Variants in OR2D2 observed in about 807,000 individuals in gnomAD.
The protein encoded by OR2D2 is olfactory receptor family 2 subfamily D member 2.
OR2D2 carries 20 observed loss-of-function variants against 16.0 expected under a neutral mutation model. That is an observed-to-expected ratio of 1.25 (90% CI 0.88 to 1.82). OR2D2 has a LOEUF of 1.82. OR2D2 is among the 40% of genes most tolerant of loss of function. The pLI is 0.00. For missense variants in OR2D2, 409 were observed against 369.3 expected, an observed-to-expected ratio of 1.11 and a Z score of -0.88; for synonymous variants, 164 against 143.9, an observed-to-expected ratio of 1.14 and a Z score of -1.00.
Position 6,892,384 on chromosome 11 carries a change from C to A in OR2D2, c.117G>T (p.Val39=). The A allele has an allele frequency of 6.2e-7, 1 of 1,613,698 alleles. No homozygotes were observed. The highest frequency in any genetic ancestry group is 1.1e-5 in the South Asian group (1 of 91,080). The change falls in exon 1 of 1, where the codon GTG becomes GTT. Residue 39 remains valine, a synonymous_variant. Transcript: ENST00000299459. ...GGGAGATTAGAAGCAGATTTCCAAG[C>A]ACAGTGACCAGGTAGACACCCAATA... The part of the protein sequence containing the change: ...IVLLGVYLVT[V]LGNLLLISLV...
rs771451717 is a variant in OR2D2, at chr11:6,892,301, G to C, written c.200C>G (p.Ser67Cys). The change falls in exon 1 of 1, where the codon TCT becomes TGT. Residue 67 changes from serine (S) to cysteine (C), a missense_variant. Physicochemically the swap from Ser to Cys is moderately radical, Grantham distance 112. Transcript: ENST00000299459. ...TPMYFFLCNL[S>C]LADLCFSTNI... ...GGTAGAGAAACAGAGGTCAGCCAGA[G>C]ACAAGTTGCAGAGAAAAAAATACAT... The C allele has an allele frequency of 9.9e-6, 16 of 1,613,858 alleles. No homozygotes were observed. The highest frequency in any genetic ancestry group is 1.3e-5 in the Non-Finnish European group (15 of 1,179,866).
chr11:6,892,393 C>T lies in OR2D2; in HGVS notation c.108G>A (p.Leu36=). 3.1e-6 allele frequency: 5 copies of T among 1,613,612 alleles called. No individual in the cohort carries two copies. The highest frequency in any genetic ancestry group is 4.2e-6 in the Non-Finnish European group (5 of 1,179,760). ...GAAGCAGATTTCCAAGCACAGTGAC[C>T]AGGTAGACACCCAATAATACGATAA... ...LLFIVLLGVY[L]VTVLGNLLLI... The change falls in exon 1 of 1, where the codon CTG becomes CTA. Residue 36 remains leucine (L), a synonymous_variant. Coordinates refer to ENST00000299459, the MANE Select transcript of OR2D2 (RefSeq NM_003700.1).
At position 6,892,361 on chromosome 11, in the gene OR2D2, G is replaced by A. The variant is rs756410938; in HGVS notation, c.140C>T (p.Ser47Phe). Residue 47 changes from serine (S) to phenylalanine (F), a missense_variant, in exon 1 of 1, where the codon TCC becomes TTC. Physicochemically the swap from Ser to Phe is radical, Grantham distance 155. Coordinates refer to ENST00000299459, the MANE Select transcript of OR2D2 (RefSeq NM_003700.1). ...AAGTTGGGAGTCAACATGAACAAGG[G>A]AGATTAGAAGCAGATTTCCAAGCAC... ...VTVLGNLLLI[S>F]LVHVDSQLHT... 2.5e-6 allele frequency: 4 copies of A among 1,613,732 alleles called. No individual in the cohort carries two copies. Among genetic ancestry groups the A allele is most frequent in the East Asian group, 4.5e-5 (2 of 44,864 alleles).
At position 6,891,831 on chromosome 11, in the gene OR2D2, T is replaced by C; in HGVS notation, c.670A>G (p.Thr224Ala). 1 of 1,613,770 alleles carries C rather than the reference T, an allele frequency of 6.2e-7. No homozygotes were observed. Among genetic ancestry groups the C allele is most frequent in the South Asian group, 1.1e-5 (1 of 91,072 alleles). The change falls in exon 1 of 1, where the codon ACT (threonine) becomes GCT (alanine). Residue 224 changes from threonine to alanine, a missense_variant. Thr to Ala is a moderately conservative substitution (Grantham distance 58). Transcript: ENST00000299459. ...ACAGTTGACTTCATCTTGACCACAG[T>C]TACTATGATACGGCCATAGGATACC... The part of the protein sequence containing the change: ...ILVSYGRIIV[T>A]VVKMKSTVGS...
chr11:6,891,783 T>C lies in OR2D2; in HGVS notation c.718A>G (p.Thr240Ala), dbSNP rs748376005. 1.7e-5 allele frequency: 28 copies of C among 1,613,526 alleles called. No homozygotes were observed. The highest frequency in any genetic ancestry group is 2.3e-5 in the Non-Finnish European group (27 of 1,179,772). Residue 240 changes from threonine (T) to alanine (A), a missense_variant, in exon 1 of 1, where the codon ACC (threonine) becomes GCC (alanine). Transcript: ENST00000299459. ...STVGSLKAFS[T>A]CGSHLMVVIL... The stretch of plus-strand genomic sequence containing the variant: ...ACCACCATGAGGTGGGAGCCACAGG[T>C]AGAAAATGCCTTGAGACTCCCCACA...
rs201036032 is a variant in OR2D2, at chr11:6,891,804, C to A, written c.697G>T (p.Gly233Trp). 1 of 1,613,764 alleles carries A rather than the reference C, an allele frequency of 6.2e-7. No individual in the cohort carries two copies. The highest frequency in any genetic ancestry group is 1.1e-5 in the South Asian group (1 of 91,070). The change falls in exon 1 of 1, where the codon GGG becomes TGG. Residue 233 changes from glycine to tryptophan, a missense_variant. Coordinates refer to ENST00000299459, the MANE Select transcript of OR2D2 (RefSeq NM_003700.1). ...VTVVKMKSTV[G>W]SLKAFSTCGS... Reference sequence around the variant, plus strand: ...CAGGTAGAAAATGCCTTGAGACTCCCCACAGTTGACTTCATCTTGACCACA... The same window carrying A: ...CAGGTAGAAAATGCCTTGAGACTCCACACAGTTGACTTCATCTTGACCACA...
chr11:6,892,155 C>A lies in OR2D2; in HGVS notation c.346G>T (p.Ala116Ser), dbSNP rs376326663. 1.2e-6 allele frequency: 2 copies of A among 1,613,780 alleles called. No homozygotes were observed. The highest frequency in any genetic ancestry group is 1.1e-5 in the South Asian group (1 of 91,088). ...ACATAGCGATCATAGGACATCACTGCAAGAAGGGCGCACTGGGTACACCCA... is the reference window on the plus strand; with the variant it reads ...ACATAGCGATCATAGGACATCACTGAAAGAAGGGCGCACTGGGTACACCCA... ...IFGCTQCALL[A>S]VMSYDRYVAI... is the part of the protein sequence containing the mutation. Residue 116 changes from alanine to serine, a missense_variant, in exon 1 of 1, where the codon GCA (alanine) becomes TCA (serine). Physicochemically the swap from Ala to Ser is moderately conservative, Grantham distance 99. Transcript: ENST00000299459.
rs765134635 is a variant in OR2D2 at position 6,892,325 on chromosome 11, A to T, written c.176T>A (p.Met59Lys). The T allele has an allele frequency of 6.2e-7, 1 of 1,613,772 alleles. No homozygotes were observed. Among genetic ancestry groups the T allele is most frequent in the South Asian group, 1.1e-5 (1 of 91,058 alleles). Residue 59 changes from methionine (M) to lysine (K), a missense_variant, in exon 1 of 1, where the codon ATG (methionine) becomes AAG (lysine). Physicochemically the swap from Met to Lys is moderately conservative, Grantham distance 95 (BLOSUM62 -1). Coordinates refer to ENST00000299459, the MANE Select transcript of OR2D2 (RefSeq NM_003700.1). ...AGACAAGTTGCAGAGAAAAAAATAC[A>T]TGGGTGTGTGAAGTTGGGAGTCAAC... is the stretch of plus-strand genomic sequence containing the variant. ...VHVDSQLHTP[M>K]YFFLCNLSLA... is the part of the protein sequence containing the mutation.
At position 6,891,820 on chromosome 11, in the gene OR2D2, CT is replaced by C. The variant is rs1280515132; in HGVS notation, c.680del (p.Lys227ArgfsTer2). ...TGAGACTCCCCACAGTTGACTTCAT[CT>C]TGACCACAGTTACTATGATACGGCC... Reference protein sequence around the residue: ...SYGRIIVTVVKMKSTVGSLKA... With the variant: ...SYGRIIVTVVXMKSTVGSLKA... On this transcript the variant is annotated frameshift_variant, in exon 1 of 1. Transcript: ENST00000299459. LOFTEE classifies it high-confidence loss of function. 1.9e-6 allele frequency: 3 copies of C among 1,613,674 alleles called. No homozygotes were observed. The highest frequency in any genetic ancestry group is 2.7e-5 in the African/African-American group (2 of 74,860).
In OR2D2 at chr11:6,892,226, AT is replaced by A. The variant is rs781035617; in HGVS notation, c.274del (p.Ile92LeufsTer26). The A allele has an allele frequency of 5.0e-6, 8 of 1,613,952 alleles. No individual in the cohort carries two copies. The highest frequency in any genetic ancestry group is 5.9e-6 in the Non-Finnish European group (7 of 1,179,888). On this transcript the variant is annotated frameshift_variant, in exon 1 of 1. Coordinates refer to ENST00000299459, the MANE Select transcript of OR2D2 (RefSeq NM_003700.1). LOFTEE classifies it high-confidence loss of function. ...TCGAGCTGCGCAAAGTGTGAATGCA[AT>A]GACCTTCTTTCTGGAAAGCAGGTGG... ...LVHLLSRKKV[I>X]AFTLCAARLL...
chr11:6,891,613 C>A lies in OR2D2; in HGVS notation c.888G>T (p.Lys296Asn). ...TTGTGGCTACTTTCCTCAGAGCTGC[C>A]TTCACATCCTTGTTTCTCAGGCTAT... ...LIYSLRNKDV[K>N]AALRKVATRN... Residue 296 changes from lysine to asparagine, a missense_variant, in exon 1 of 1, where the codon AAG becomes AAT. Coordinates refer to ENST00000299459, the MANE Select transcript of OR2D2 (RefSeq NM_003700.1). 6.2e-7 allele frequency: 1 copy of A among 1,613,530 alleles called. No individual in the cohort carries two copies. The highest frequency in any genetic ancestry group is 8.5e-7 in the Non-Finnish European group (1 of 1,179,690).
At position 6,891,625 on chromosome 11, in the gene OR2D2, G is replaced by A; in HGVS notation, c.876C>T (p.Asn292=). The A allele has an allele frequency of 1.2e-6, 2 of 1,613,552 alleles. No homozygotes were observed. Among genetic ancestry groups the A allele is most frequent in the Non-Finnish European group, 1.7e-6 (2 of 1,179,716 alleles). ...TCCTCAGAGCTGCCTTCACATCCTTGTTTCTCAGGCTATAGATGAGGGGAT... is the reference window on the plus strand; with the variant it reads ...TCCTCAGAGCTGCCTTCACATCCTTATTTCTCAGGCTATAGATGAGGGGAT... ...MLNPLIYSLR[N]KDVKAALRKV... is the part of the protein sequence containing the mutation. Residue 292 remains asparagine, a synonymous_variant, in exon 1 of 1, where the codon AAC becomes AAT. Transcript: ENST00000299459.
At position 6,891,611 on chromosome 11, in the gene OR2D2, G is replaced by A. The variant is rs763006889; in HGVS notation, c.890C>T (p.Ala297Val). 1.4e-5 allele frequency: 23 copies of A among 1,613,362 alleles called. No homozygotes were observed. The highest frequency in any genetic ancestry group is 2.2e-5 in the East Asian group (1 of 44,872). Residue 297 changes from alanine (A) to valine (V), a missense_variant, in exon 1 of 1, where the codon GCA becomes GTA. Coordinates refer to ENST00000299459, the MANE Select transcript of OR2D2 (RefSeq NM_003700.1). ...IYSLRNKDVK[A>V]ALRKVATRNF... ...CCTTGTGGCTACTTTCCTCAGAGCTGCCTTCACATCCTTGTTTCTCAGGCT... is the reference window on the plus strand; with the variant it reads ...CCTTGTGGCTACTTTCCTCAGAGCTACCTTCACATCCTTGTTTCTCAGGCT...
rs780233319 is a variant in OR2D2, at chr11:6,892,266, G to C, written c.235C>G (p.Pro79Ala). ...ADLCFSTNIV[P>A]QALVHLLSRK... ...GAAAGCAGGTGGACTAGTGCCTGAG[G>C]AACTATGTTGGTAGAGAAACAGAGG... is the stretch of plus-strand genomic sequence containing the variant. Residue 79 changes from proline (P) to alanine (A), a missense_variant, in exon 1 of 1, where the codon CCT (proline) becomes GCT (alanine). By Grantham distance (27) the Pro-to-Ala change is conservative. Coordinates refer to ENST00000299459, the MANE Select transcript of OR2D2 (RefSeq NM_003700.1). The C allele has an allele frequency of 6.2e-7, 1 of 1,613,876 alleles. No individual in the cohort carries two copies.
At position 6,892,030 on chromosome 11, in the gene OR2D2, C is replaced by T. The variant is rs1291204395; in HGVS notation, c.471G>A (p.Val157=). The part of the protein sequence containing the change: ...GSWTSGILVS[V]VDTTFILRLP... Reference sequence around the variant, plus strand: ...GCCTCAGTATGAAGGTGGTGTCTACCACAGACACCAGAATGCCACTGGTCC... The same window carrying T: ...GCCTCAGTATGAAGGTGGTGTCTACTACAGACACCAGAATGCCACTGGTCC... Residue 157 remains valine (V), a synonymous_variant, in exon 1 of 1, where the codon GTG becomes GTA. Transcript: ENST00000299459. The T allele has an allele frequency of 6.2e-7, 1 of 1,613,454 alleles. No individual in the cohort carries two copies. Among genetic ancestry groups the T allele is most frequent in the East Asian group, 2.2e-5 (1 of 44,858 alleles).
At position 6,892,065 on chromosome 11, in the gene OR2D2, T is replaced by G. The variant is rs921545861; in HGVS notation, c.436A>C (p.Thr146Pro). 6.2e-7 allele frequency: 1 copy of G among 1,613,856 alleles called. No individual in the cohort carries two copies. Among genetic ancestry groups the G allele is most frequent in the South Asian group, 1.1e-5 (1 of 91,074 alleles). The change falls in exon 1 of 1, where the codon ACA (threonine) becomes CCA (proline). Residue 146 changes from threonine (T) to proline (P), a missense_variant. Coordinates refer to ENST00000299459, the MANE Select transcript of OR2D2 (RefSeq NM_003700.1). ...AGAATGCCACTGGTCCATGATCCTG[T>G]TGCCAGCTGGACACACACTTTCCAG... ...MTWKVCVQLA[T>P]GSWTSGILVS... is the part of the protein sequence containing the mutation.
rs1398503248 is a variant in OR2D2 at position 6,892,197 on chromosome 11, G to C, written c.304C>G (p.Leu102Val). Residue 102 changes from leucine to valine, a missense_variant, in exon 1 of 1, where the codon CTC becomes GTC. Coordinates refer to ENST00000299459, the MANE Select transcript of OR2D2 (RefSeq NM_003700.1). ...IAFTLCAARL[L>V]FFLIFGCTQC... ...GTACACCCAAAAATGAGGAAAAAGA[G>C]AAGTCGAGCTGCGCAAAGTGTGAAT... 1 of 1,613,910 alleles carries C rather than the reference G, an allele frequency of 6.2e-7. No individual in the cohort carries two copies. The highest frequency in any genetic ancestry group is 8.5e-7 in the Non-Finnish European group (1 of 1,179,882).
chr11:6,891,828 C>G lies in OR2D2; in HGVS notation c.673G>C (p.Val225Leu). Reference sequence around the variant, plus strand: ...CCCACAGTTGACTTCATCTTGACCACAGTTACTATGATACGGCCATAGGAT... The same window carrying G: ...CCCACAGTTGACTTCATCTTGACCAGAGTTACTATGATACGGCCATAGGAT... ...LVSYGRIIVT[V>L]VKMKSTVGSL... is the part of the protein sequence containing the mutation. The change falls in exon 1 of 1, where the codon GTG becomes CTG. Residue 225 changes from valine to leucine, a missense_variant. Val to Leu is a conservative substitution (Grantham distance 32, BLOSUM62 1). Coordinates refer to ENST00000299459, the MANE Select transcript of OR2D2 (RefSeq NM_003700.1). 2 of 1,613,762 alleles carry G rather than the reference C, an allele frequency of 1.2e-6. No individual in the cohort carries two copies. Among genetic ancestry groups the G allele is most frequent in the Non-Finnish European group, 1.7e-6 (2 of 1,179,852 alleles).
chr11:6,892,333 G>A lies in OR2D2; in HGVS notation c.168C>T (p.His56=). ...ISLVHVDSQL[H]TPMYFFLCNL... ...TGCAGAGAAAAAAATACATGGGTGT[G>A]TGAAGTTGGGAGTCAACATGAACAA... The change falls in exon 1 of 1, where the codon CAC becomes CAT. Residue 56 remains histidine, a synonymous_variant. Transcript: ENST00000299459. The A allele has an allele frequency of 6.2e-7, 1 of 1,613,732 alleles. No homozygotes were observed. The highest frequency in any genetic ancestry group is 8.5e-7 in the Non-Finnish European group (1 of 1,179,788).
Sources: gnomAD v4.1 joint callset for allele counts on GRCh38, gnomAD v4.1.1 for gene constraint, MANE v1.5 for transcripts, NCBI Gene and HGNC (gene_info 2026-07-23, HGNC 2026-07-21) for gene names.